The following POTEC variants were observed in gnomAD, a reference collection of about 807,000 sequenced individuals.
POTEC encodes the protein ANKRD26-like family B member 2.
A neutral mutation model predicts 62.0 loss-of-function variants in POTEC; 35 were observed. That is an observed-to-expected ratio of 0.56 (90% CI 0.43 to 0.75). POTEC has a LOEUF of 0.75. POTEC is among the 30% of genes least tolerant of loss of function. The probability of loss-of-function intolerance (pLI) is 0.00; values close to 1 mark genes in which losing one functional copy is unlikely to be tolerated. For synonymous variants in POTEC, 156 were observed against 221.5 expected (o/e 0.70, Z 2.62); for missense variants, 472 against 655.9 (o/e 0.72, Z 3.06).
At chr18:14,531,350 T>G (rs1905507270) in intron 5 of POTEC, among the ~76,000 whole-genome samples, 1 of 151,334 alleles carries the variant, frequency 6.6e-6, no homozygotes, top group South Asian at 2.1e-4. Flanking sequence ...ACTCAAACTC[T>G]GAGCCAGCAG....
chr18:14,515,247 C>T (rs1910115215), intron 9 of POTEC, among the ~76,000 whole-genome samples: 1 of 152,148 alleles, frequency 6.6e-6, no homozygotes, highest in Non-Finnish European at 1.5e-5. Context: ...TAGCAACAGA[C>T]ATACCAAGCA....
intron 7 of POTEC, among the ~76,000 whole-genome samples, chr18:14,524,348 A>T (rs1158668171): frequency 1.3e-5 from 2 of 152,186 alleles, no homozygotes; most frequent in African/African-American, 4.8e-5. Context: ...CACAAGGCAG[A>T]ATATGTCTTT....
rs753914518 is a variant in POTEC, at chr18:14,530,530, T to G, written c.1079A>C (p.Tyr360Ser). The change falls in exon 6 of 11, where the codon TAT (tyrosine) becomes TCT (serine). Residue 360 changes from tyrosine (Y) to serine (S), a missense_variant. Transcript: ENST00000358970. ...GATTTTTAGCATCTGTTTTTCTTTA[T>G]AGTCAGAAAGTAATTCACAAATTCT... ...HHVICELLSD[Y>S]KEKQMLKISS... 6.3e-7 allele frequency: 1 copy of G among 1,594,714 alleles called. No homozygotes were observed. Among genetic ancestry groups the G allele is most frequent in the Admixed American group, 1.7e-5 (1 of 58,506 alleles).
chr18:14,530,127 C>A (rs1047698895), intron 6 of POTEC, among the ~76,000 whole-genome samples: 11 of 151,710 alleles, frequency 7.3e-5, no homozygotes, highest in African/African-American at 2.7e-4. Context: ...GAGCATGAAC[C>A]CTGTTGTGAA....
At chr18:14,512,544 C>CT (rs1195917319) in intron 10 of POTEC, among the ~76,000 whole-genome samples, 6 of 152,230 alleles carry the variant, frequency 3.9e-5, no homozygotes, top group Non-Finnish European at 8.8e-5. Flanking sequence ...ACATCTGCGT[C>CT]TAAGCATTGC....
chr18:14,513,397 TC>T (rs2143106403), intron 10 of POTEC, among the ~76,000 whole-genome samples: 1 of 152,284 alleles, frequency 6.6e-6, no homozygotes, highest in Admixed American at 6.5e-5. Flanking sequence ...CAAATGCTTT[TC>T]CTTTGGATTG....
chr18:14,519,055 G>C (rs1910242367), intron 9 of POTEC, among the ~76,000 whole-genome samples: 1 of 152,186 alleles, frequency 6.6e-6, no homozygotes, highest in Non-Finnish European at 1.5e-5. Context: ...CTGCAGATGA[G>C]GGTGGCTCAG....
intron 1 of POTEC, among the ~76,000 whole-genome samples, chr18:14,538,748 C>T (rs954496885): frequency 6.6e-6 from 1 of 152,188 alleles, no homozygotes; most frequent in African/African-American, 2.4e-5. Context: ...CTTTCAGGTA[C>T]ATTTTAAAGA....
intron 8 of POTEC, among the ~76,000 whole-genome samples, 153 bp from the exon 9 acceptor site, chr18:14,522,573 C>A (rs371354262): frequency 6.6e-6 from 1 of 151,956 alleles, no homozygotes; most frequent in Non-Finnish European, 1.5e-5. Flanking sequence ...GAACTATTAC[C>A]GTATAATTTT....
At chr18:14,530,872 C>G (rs1318344233) in intron 5 of POTEC, among the ~76,000 whole-genome samples, 1 of 152,134 alleles carries the variant, frequency 6.6e-6, no homozygotes, top group African/African-American at 2.4e-5. Context: ...TGTTCTTGAA[C>G]AAATTTCTTC....
rs552744471 is a variant in POTEC at position 14,543,249 on chromosome 18, G to A, written c.-103C>T. ...ACCCTGGGTTTCCAATCTGTTTGAA[G>A]AGAAAGGTCAATCCCAGCCAAAACT... On this transcript the variant is annotated 5_prime_UTR_variant, in exon 1 of 11. Coordinates refer to ENST00000358970, the MANE Select transcript of POTEC (RefSeq NM_001137671.2). The A allele has an allele frequency of 1.2e-5, 18 of 1,508,562 alleles. No individual in the cohort carries two copies. Among genetic ancestry groups the A allele is most frequent in the South Asian group, 6.3e-5 (5 of 79,914 alleles). The allele number at this position is 1,508,562 out of a possible 1,614,324, so 93.4% of individuals were successfully genotyped here. A position where few individuals can be genotyped will look rare whatever the true frequency, so the allele number is the denominator to read the frequency against.
rs531117614 is a variant in POTEC at position 14,507,888 on chromosome 18, A to G, written c.*4010T>C. The G allele has an allele frequency of 6.5e-4, 99 of 152,260 alleles. No homozygotes were observed. The highest frequency in any genetic ancestry group is 2.3e-3 in the African/African-American group (97 of 41,530). 9.4% of individuals were successfully genotyped at this position (152,260 alleles called of 1,614,324 possible). ...CTGGGTTGAAATTTCTTTTCTTTGAAATGTTGAATGTCTTTTCTGGCTTGT... is the reference window on the plus strand; with the variant it reads ...CTGGGTTGAAATTTCTTTTCTTTGAGATGTTGAATGTCTTTTCTGGCTTGT... On this transcript the variant is annotated 3_prime_UTR_variant, in exon 11 of 11. Transcript: ENST00000358970.
intron 9 of POTEC, among the ~76,000 whole-genome samples, chr18:14,517,643 C>T (rs1333818354): frequency 2.0e-5 from 3 of 152,082 alleles, no homozygotes. Context: ...GGGTGGATCA[C>T]CTGAGGTACA....
intron 9 of POTEC, 54 bp downstream of exon 9, chr18:14,522,200 G>A: frequency 6.2e-7 from 1 of 1,605,190 alleles, no homozygotes. Context: ...GCCCAAATTA[G>A]GATTAGTTTG....
chr18:14,529,197 C>T (rs1905418538), intron 6 of POTEC, among the ~76,000 whole-genome samples: 1 of 151,840 alleles, frequency 6.6e-6, no homozygotes. Flanking sequence ...ACACAGTAAG[C>T]ACTGAATAAA....
At position 14,534,881 on chromosome 18, in the gene POTEC, A is replaced by T; in HGVS notation, c.917+20T>A. ...GCTATCAATCTAGAACAACACACAG[A>T]TTAAAAGAAATAACCATACCTTCCA... is the stretch of plus-strand genomic sequence containing the variant. On this transcript the variant is annotated intron_variant, in intron 4 of 10. Coordinates refer to ENST00000358970, the MANE Select transcript of POTEC (RefSeq NM_001137671.2). The T allele has an allele frequency of 1.3e-6, 2 of 1,535,496 alleles. No homozygotes were observed. Among genetic ancestry groups the T allele is most frequent in the East Asian group, 2.4e-5 (1 of 42,322 alleles).
At chr18:14,536,105 C>G (rs1483081351) in intron 3 of POTEC, among the ~76,000 whole-genome samples, 1 of 150,466 alleles carries the variant, frequency 6.6e-6, no homozygotes, top group Admixed American at 6.6e-5. Flanking sequence ...CTCATCTCTA[C>G]TAAAAAAAAA....
At position 14,519,761 on chromosome 18, in the gene POTEC, G is replaced by A. The variant is rs527661795; in HGVS notation, c.1409+2493C>T. Among the ~76,000 whole-genome samples the A allele has an allele frequency of 7.2e-5, 11 of 151,936 alleles. No individual in the cohort carries two copies. The South Asian group carries it at 2.1e-3, about 29-fold the overall frequency. ...GTCACAAGAAAGAAGATTGAGGAGT[G>A]AGCCCTGGGAAACAACAATGTCCAA... On this transcript the variant is annotated intron_variant, in intron 9 of 10. Transcript: ENST00000358970.
chr18:14,516,298 T>TTATATATATATATATATATA (rs200611192), intron 9 of POTEC, among the ~76,000 whole-genome samples: 9 of 25,110 alleles, frequency 3.6e-4, no homozygotes, highest in Admixed American at 6.2e-4. Flanking sequence ...AAAGAAAATT[T>TTATATATATATATATATATA]TATATATATA....
Sources: gnomAD v4.1 joint callset for allele counts (sites outside exome capture counted in the v4.1 genomes callset) on GRCh38, gnomAD v4.1.1 for gene constraint, MANE v1.5 for transcripts, NCBI Gene and HGNC (gene_info 2026-07-23, HGNC 2026-07-21) for gene names.